HERC1: variants seen among roughly 807,000 people sequenced by gnomAD.
HERC1 encodes the protein probable E3 ubiquitin-protein ligase HERC1.
Under a neutral mutation model 554.3 loss-of-function variants are expected in HERC1, and 160 were observed. That is an observed-to-expected ratio of 0.29 (90% confidence interval 0.25 to 0.33). The LOEUF is 0.33. Ranked by LOEUF, HERC1 falls within the 10% of genes least tolerant of loss-of-function variation. The pLI is 1.00. For missense variants in HERC1, 4,919 were observed against 5,918.5 expected, an observed-to-expected ratio of 0.83 and a Z score of 5.54; for synonymous variants, 2,175 against 2,131.7, an observed-to-expected ratio of 1.02 and a Z score of -0.56.
intron 46 of HERC1, among the ~76,000 whole-genome samples, chr15:63,660,277 G>A (rs1184747389): frequency 1.3e-5 from 2 of 152,142 alleles, no homozygotes; most frequent in Admixed American, 6.5e-5. Flanking sequence ...CTGAGATCAC[G>A]CCACAGCACT....
Position 63,786,929 on chromosome 15 carries a change from TTTTTTA to T in HERC1, c.-26-11286_-26-11281del, listed in dbSNP as rs1567126562. 2.4e-4 allele frequency among the ~76,000 whole-genome samples: 36 copies of T among 150,588 alleles called. 1 individual carries two copies. The highest frequency in any genetic ancestry group is 6.8e-3 in the Middle Eastern group (2 of 292). ...AACTCAATAAATTATTATTTTTTTT[TTTTTTA>T]TTTTTTGAGACGGAGTTTCACTCTT... On this transcript the variant is annotated intron_variant, in intron 1 of 77. Transcript: ENST00000443617.
chr15:63,721,724 T>A (rs958570248), intron 19 of HERC1, among the ~76,000 whole-genome samples: 15 of 151,950 alleles, frequency 9.9e-5, no homozygotes, highest in Non-Finnish European at 2.1e-4. Flanking sequence ...AATGACAGGA[T>A]AAGAGAATGA....
chr15:63,776,444 T>C (rs2076117429), intron 1 of HERC1, among the ~76,000 whole-genome samples: 1 of 152,226 alleles, frequency 6.6e-6, no homozygotes, highest in Non-Finnish European at 1.5e-5. Flanking sequence ...GAAAGGTGGC[T>C]GGCAGTTTCT....
At chr15:63,623,003 C>T in intron 73 of HERC1, 112 bp from the exon 74 acceptor site, 1 of 619,816 alleles carries the variant, frequency 1.6e-6, no homozygotes. Flanking sequence ...TTTATAATGC[C>T]ATGTGACAAC....
At chr15:63,701,756 C>T (rs56711653) in intron 25 of HERC1, among the ~76,000 whole-genome samples, 2,561 of 150,964 alleles carry the variant, frequency 0.017, 67 homozygotes, top group African/African-American at 0.06. Context: ...TTTAGTTTGA[C>T]ATCAAAAAGA....
intron 44 of HERC1, 105 bp from the exon 45 acceptor site, chr15:63,662,126 T>G (rs2070388605): frequency 8.6e-7 from 1 of 1,165,176 alleles, no homozygotes; most frequent in Admixed American, 2.8e-5. Context: ...TATGCTAGAA[T>G]ATTTCCAACA....
At chr15:63,616,781 T>A (rs2067837148) in intron 74 of HERC1, 99 bp from the exon 75 acceptor site, 1 of 1,034,770 alleles carries the variant, frequency 9.7e-7, no homozygotes, top group Non-Finnish European at 1.4e-6. Context: ...ACCTGTACTG[T>A]TCAATATGGC....
At chr15:63,770,193 G>A (rs1301903473) in intron 2 of HERC1, among the ~76,000 whole-genome samples, 1 of 152,110 alleles carries the variant, frequency 6.6e-6, no homozygotes, top group Non-Finnish European at 1.5e-5. Context: ...CCTCTCATCT[G>A]AAAAGTTCTC....
At chr15:63,646,296 G>T (rs566508234) in intron 55 of HERC1, among the ~76,000 whole-genome samples, 2 of 152,118 alleles carry the variant, frequency 1.3e-5, no homozygotes, top group African/African-American at 4.8e-5. Context: ...GACATTACTG[G>T]GAGCATTTGA....
chr15:63,635,816 A>T, intron 65 of HERC1, 145 bp downstream of exon 65: 3 of 869,992 alleles, frequency 3.4e-6, no homozygotes, highest in South Asian at 1.7e-5. Flanking sequence ...CTCAAGAATG[A>T]ATCTGAACAT....
intron 4 of HERC1, among the ~76,000 whole-genome samples, chr15:63,757,409 C>G (rs1025766689): frequency 1.1e-4 from 17 of 151,616 alleles, no homozygotes; most frequent in African/African-American, 3.6e-4. Flanking sequence ...ATTATAGGCA[C>G]GCGCCATCAT....
intron 1 of HERC1, among the ~76,000 whole-genome samples, chr15:63,823,351 T>C (rs923415872): frequency 5.9e-5 from 9 of 152,204 alleles, no homozygotes; most frequent in Non-Finnish European, 1.3e-4. Flanking sequence ...TGGAACTAAA[T>C]AAATACAGAT....
At chr15:63,686,994 G>A (rs991769122) in intron 33 of HERC1, among the ~76,000 whole-genome samples, 2 of 152,180 alleles carry the variant, frequency 1.3e-5, no homozygotes, top group African/African-American at 4.8e-5. Context: ...AAGACAAGCA[G>A]CATGTAATGA....
At chr15:63,708,460 A>G (rs2073127091) in intron 24 of HERC1, among the ~76,000 whole-genome samples, 1 of 152,128 alleles carries the variant, frequency 6.6e-6, no homozygotes, top group African/African-American at 2.4e-5. Context: ...TCCTTTTGTA[A>G]AGTATCTGTT....
intron 1 of HERC1, among the ~76,000 whole-genome samples, chr15:63,821,383 T>C (rs144669723): frequency 1.6e-3 from 242 of 151,310 alleles, no homozygotes; most frequent in Non-Finnish European, 2.9e-3. Context: ...CAAAACCCCA[T>C]CTCTACTAAA....
At chr15:63,715,824 T>G (rs887446958) in intron 22 of HERC1, among the ~76,000 whole-genome samples, 3 of 152,236 alleles carry the variant, frequency 2.0e-5, no homozygotes, top group African/African-American at 7.2e-5. Flanking sequence ...AGCAGTCTCA[T>G]GTAAATTCTT....
At chr15:63,701,572 T>C (rs1274106069) in intron 25 of HERC1, among the ~76,000 whole-genome samples, 1 of 152,210 alleles carries the variant, frequency 6.6e-6, no homozygotes, top group Non-Finnish European at 1.5e-5. Flanking sequence ...AGTGTGGCTG[T>C]GTTCCAATAA....
chr15:63,678,915 A>G (rs1306043690), intron 36 of HERC1, among the ~76,000 whole-genome samples: 1 of 152,246 alleles, frequency 6.6e-6, no homozygotes, highest in Non-Finnish European at 1.5e-5. Flanking sequence ...AAAACCTGAC[A>G]CTAATAATAG....
chr15:63,709,963 G>T (rs1278212895), intron 24 of HERC1, among the ~76,000 whole-genome samples: 1 of 152,214 alleles, frequency 6.6e-6, no homozygotes, highest in Non-Finnish European at 1.5e-5. Context: ...GGGAAAGACA[G>T]GATATCAGCA....
Sources: allele counts gnomAD v4.1 joint callset (sites outside exome capture counted in the v4.1 genomes callset), GRCh38; gene constraint gnomAD v4.1.1; transcripts MANE v1.5; gene names NCBI Gene and HGNC (gene_info 2026-07-23, HGNC 2026-07-21).